Variants in ARHGEF38 observed in about 807,000 individuals in gnomAD.
ARHGEF38 encodes Rho guanine nucleotide exchange factor (GEF) 38.
Under a neutral mutation model 79.9 loss-of-function variants are expected in ARHGEF38, and 79 were observed. The observed-to-expected ratio is 0.99, with a 90% CI of 0.82 to 1.19. ARHGEF38 has a LOEUF of 1.19. Ranked by LOEUF, ARHGEF38 falls within the 50% of genes most tolerant of loss-of-function variation. The probability of loss-of-function intolerance (pLI) is 0.00; values close to 1 mark genes in which losing one functional copy is unlikely to be tolerated. For missense variants in ARHGEF38, 962 were observed against 907.2 expected, an observed-to-expected ratio of 1.06 and a Z score of -0.78; for synonymous variants, 366 against 328.3, an observed-to-expected ratio of 1.11 and a Z score of -1.24.
chr4:105,627,509 T>C (rs1728996103), intron 3 of ARHGEF38, among the ~76,000 whole-genome samples: 1 of 152,242 alleles, frequency 6.6e-6, no homozygotes, highest in Non-Finnish European at 1.5e-5. Flanking sequence ...TTATTTTTAA[T>C]GAAGATAACT....
intron 1 of ARHGEF38, among the ~76,000 whole-genome samples, chr4:105,562,311 A>T (rs898741374): frequency 6.6e-6 from 1 of 152,182 alleles, no homozygotes; most frequent in African/African-American, 2.4e-5. Context: ...TCCTTGGGGA[A>T]AAAGACTTAG....
rs1448813502 is a variant in ARHGEF38 at position 105,645,267 on chromosome 4, T to G, written c.754T>G (p.Cys252Gly). The G allele has an allele frequency of 5.9e-6, 9 of 1,536,584 alleles. No homozygotes were observed. The highest frequency in any genetic ancestry group is 7.8e-6 in the Non-Finnish European group (9 of 1,147,012). Residue 252 changes from cysteine (C) to glycine (G), a missense_variant, in exon 6 of 14, where the codon TGC (cysteine) becomes GGC (glycine). Physicochemically the swap from Cys to Gly is radical, Grantham distance 159. Coordinates refer to ENST00000420470, the MANE Select transcript of ARHGEF38 (RefSeq NM_001242729.2). ...QRVMKYPLLL[C>G]ELRNSTPPSH... The stretch of plus-strand genomic sequence containing the variant: ...TGTGATGAAATACCCCCTATTACTG[T>G]GCGAACTTCGGAATTCCACCCCTCC...
intron 2 of ARHGEF38, among the ~76,000 whole-genome samples, chr4:105,603,614 C>T (rs1021148365): frequency 1.3e-5 from 2 of 152,090 alleles, no homozygotes; most frequent in African/African-American, 2.4e-5. Context: ...TTTCCTGAGC[C>T]CCGAGGCATC....
intron 13 of ARHGEF38, among the ~76,000 whole-genome samples, chr4:105,672,619 A>C (rs779057075): frequency 1.1e-4 from 16 of 152,156 alleles, no homozygotes; most frequent in Non-Finnish European, 1.3e-4. Context: ...AATTACCACA[A>C]ATTTGGTGGC....
intron 7 of ARHGEF38, among the ~76,000 whole-genome samples, chr4:105,649,473 T>A (rs983034702): frequency 6.6e-6 from 1 of 152,218 alleles, no homozygotes; most frequent in Non-Finnish European, 1.5e-5. Context: ...CAGAACACAC[T>A]TGCAATTCTT....
intron 2 of ARHGEF38, among the ~76,000 whole-genome samples, chr4:105,602,537 C>G (rs1044819981): frequency 6.6e-6 from 1 of 151,998 alleles, no homozygotes; most frequent in African/African-American, 2.4e-5. Flanking sequence ...TAAGAAAAGG[C>G]TAATTGAATG....
At chr4:105,644,761 C>T (rs1188302080) in intron 5 of ARHGEF38, among the ~76,000 whole-genome samples, 1 of 152,110 alleles carries the variant, frequency 6.6e-6, no homozygotes, top group Non-Finnish European at 1.5e-5. Flanking sequence ...TTAACTATAC[C>T]TTTGCAAGCC....
At chr4:105,556,467 A>T (rs1039963832) in intron 1 of ARHGEF38, among the ~76,000 whole-genome samples, 1 of 152,138 alleles carries the variant, frequency 6.6e-6, no homozygotes, top group Non-Finnish European at 1.5e-5. Context: ...TGCATGAAGG[A>T]GGTTGTCAGA....
At chr4:105,582,720 C>CTATCAG (rs1466338065) in intron 1 of ARHGEF38, among the ~76,000 whole-genome samples, 2 of 152,142 alleles carry the variant, frequency 1.3e-5, no homozygotes, top group African/African-American at 4.8e-5. Context: ...TCCTAACAGT[C>CTATCAG]TATCAGTTAC....
chr4:105,590,153 A>T (rs770962185), intron 2 of ARHGEF38, among the ~76,000 whole-genome samples: 7 of 151,922 alleles, frequency 4.6e-5, no homozygotes, highest in Non-Finnish European at 7.4e-5. Flanking sequence ...AGAAAGAAAG[A>T]AAGAGAGAGA....
At chr4:105,561,453 TA>T (rs1578253447) in intron 1 of ARHGEF38, 1,409 of 51,048 alleles carry the variant, frequency 0.028, 6 homozygotes, top group Middle Eastern at 0.038. Context: ...TAGAATGGAA[TA>T]GAATAGAATA....
At position 105,645,333 on chromosome 4, in the gene ARHGEF38, G is replaced by A; in HGVS notation, c.820G>A (p.Ala274Thr). 1 of 1,533,596 alleles carries A rather than the reference G, an allele frequency of 6.5e-7. No individual in the cohort carries two copies. Among genetic ancestry groups the A allele is most frequent in the South Asian group, 1.2e-5 (1 of 83,116 alleles). 95.0% of individuals were successfully genotyped at this position (1,533,596 alleles called of 1,614,324 possible). A position where few individuals can be genotyped will look rare whatever the true frequency, so the allele number is the denominator to read the frequency against. Reference sequence around the variant, plus strand: ...CAGAGCACTGGACGATGCCTTTGCTGCTGTGAAGGACATTAATGTTAACAT... The same window carrying A: ...CAGAGCACTGGACGATGCCTTTGCTACTGTGAAGGACATTAATGTTAACAT... ...DYRALDDAFA[A>T]VKDINVNINE... Residue 274 changes from alanine (A) to threonine (T), a missense_variant, in exon 6 of 14, where the codon GCT becomes ACT. Coordinates refer to ENST00000420470, the MANE Select transcript of ARHGEF38 (RefSeq NM_001242729.2).
intron 5 of ARHGEF38, among the ~76,000 whole-genome samples, chr4:105,643,146 A>G (rs1246497411): frequency 6.7e-6 from 1 of 148,800 alleles, no homozygotes; most frequent in Non-Finnish European, 1.5e-5. Flanking sequence ...TTTTTTTTTC[A>G]GTATAAATAC....
chr4:105,603,327 G>T (rs1475624147), intron 2 of ARHGEF38, among the ~76,000 whole-genome samples: 1 of 152,098 alleles, frequency 6.6e-6, no homozygotes, highest in Non-Finnish European at 1.5e-5. Context: ...TCACACAGCT[G>T]GAATGTGGCT....
Position 105,561,469 on chromosome 4 carries a change from A to AGAATAGAATGGAATGGAATG in ARHGEF38, c.196+8517_196+8518insGGAATGGAATGGAATAGAAT, listed in dbSNP as rs1560684572. ...AGAATGGAATAGAATAGAATAGAAT[A>AGAATAGAATGGAATGGAATG]GAATAGAATAGAATAGAATAGAATA... On this transcript the variant is annotated intron_variant, in intron 1 of 13. Transcript: ENST00000420470. The AGAATAGAATGGAATGGAATG allele has an allele frequency of 5.6e-4, 28 of 49,676 alleles. 6 individuals are homozygous for AGAATAGAATGGAATGGAATG. The highest frequency in any genetic ancestry group is 1.2e-3 in the African/African-American group (14 of 11,506). 3.1% of individuals were successfully genotyped at this position (49,676 alleles called of 1,614,324 possible). A position where few individuals can be genotyped will look rare whatever the true frequency, so the allele number is the denominator to read the frequency against.
Position 105,679,899 on chromosome 4 carries a change from TG to T in ARHGEF38, c.*1964del. 7.0e-7 allele frequency: 1 copy of T among 1,433,950 alleles called. No homozygotes were observed. The highest frequency in any genetic ancestry group is 9.8e-7 in the Non-Finnish European group (1 of 1,020,466). 88.8% of individuals were successfully genotyped at this position (1,433,950 alleles called of 1,614,324 possible). The stretch of plus-strand genomic sequence containing the variant: ...ATGTCCAAACCACGAGGAGCCACAT[TG>T]GTTGCCACCAAAACTTTATAATTAC... On this transcript the variant is annotated 3_prime_UTR_variant, in exon 14 of 14. Coordinates refer to ENST00000420470, the MANE Select transcript of ARHGEF38 (RefSeq NM_001242729.2).
At chr4:105,633,776 C>T (rs1729289226) in intron 4 of ARHGEF38, among the ~76,000 whole-genome samples, 1 of 151,994 alleles carries the variant, frequency 6.6e-6, no homozygotes, top group African/African-American at 2.4e-5. Flanking sequence ...GTTCTTGCCT[C>T]TCAGGAACAC....
chr4:105,595,252 A>G (rs367732524), intron 2 of ARHGEF38, among the ~76,000 whole-genome samples: 5 of 152,268 alleles, frequency 3.3e-5, no homozygotes, highest in African/African-American at 1.2e-4. Context: ...TTGAATGCAC[A>G]CTTGGTAGAT....
intron 2 of ARHGEF38, among the ~76,000 whole-genome samples, chr4:105,610,635 A>G (rs1467343016): frequency 6.6e-6 from 1 of 152,080 alleles, no homozygotes; most frequent in Admixed American, 6.6e-5. Context: ...CAATGATTGG[A>G]TATGAATTCA....
Sources: allele counts gnomAD v4.1 joint callset (sites outside exome capture counted in the v4.1 genomes callset), GRCh38; gene constraint gnomAD v4.1.1; transcripts MANE v1.5; gene names NCBI Gene and HGNC (gene_info 2026-07-23, HGNC 2026-07-21).